TEX2: variants seen among roughly 807,000 people sequenced by gnomAD.
TEX2 encodes the protein testis expressed 2, also known as testis-expressed protein 2.
TEX2 carries 53 observed loss-of-function variants against 106.9 expected under a neutral mutation model. The ratio of observed to expected loss-of-function variants is 0.50; its 90% CI spans 0.40 to 0.62. The LOEUF is 0.62. Ranked by LOEUF, TEX2 falls within the 20% of genes least tolerant of loss-of-function variation. The probability of loss-of-function intolerance (pLI) is 0.00; values close to 1 mark genes in which losing one functional copy is unlikely to be tolerated. For synonymous variants in TEX2, 523 were observed against 534.8 expected, an observed-to-expected ratio of 0.98 and a Z score of 0.30; for missense variants, 1,207 against 1,379.0, an observed-to-expected ratio of 0.88 and a Z score of 1.98.
chr17:64,211,058 C>G (rs1311466671), intron 2 of TEX2, among the ~76,000 whole-genome samples: 1 of 152,014 alleles, frequency 6.6e-6, no homozygotes, highest in Non-Finnish European at 1.5e-5. Context: ...GCCCCCAGGC[C>G]CAAGCAATTC....
At chr17:64,247,268 CAA>C (rs35005734) in intron 1 of TEX2, among the ~76,000 whole-genome samples, 5 of 74,770 alleles carry the variant, frequency 6.7e-5, no homozygotes, top group Admixed American at 1.6e-4. Context: ...GACTCTGTCT[CAA>C]AAAAAAAAAA....
rs10526886 is a variant in TEX2 at position 64,218,405 on chromosome 17, C to CT, written c.-25-4164dup. On this transcript the variant is annotated intron_variant, in intron 1 of 11. Coordinates refer to ENST00000584379, the MANE Select transcript of TEX2 (RefSeq NM_001288732.2). Reference sequence around the variant, plus strand: ...CCTAGTCTGGCAAAGGACACTTTCACTTTTTTTTTTTTTTTTTTTTTTTTT... The same window carrying CT: ...CCTAGTCTGGCAAAGGACACTTTCACTTTTTTTTTTTTTTTTTTTTTTTTTT... Among the ~76,000 whole-genome samples, 629 of 120,504 alleles carry CT rather than the reference C, an allele frequency of 5.2e-3. 14 individuals carry two copies. The highest frequency in any genetic ancestry group is 0.025 in the South Asian group (95 of 3,816). The allele number at this position is 120,504 out of a possible 152,430, so 79.1% of individuals were successfully genotyped here. A position where few individuals can be genotyped will look rare whatever the true frequency, so the allele number is the denominator to read the frequency against.
At chr17:64,204,800 G>T (rs1327297649) in intron 2 of TEX2, among the ~76,000 whole-genome samples, 1 of 152,122 alleles carries the variant, frequency 6.6e-6, no homozygotes, top group Non-Finnish European at 1.5e-5. Flanking sequence ...ACAGAGTTCA[G>T]AAGGTATTTT....
At chr17:64,256,070 A>T (rs868964891) in intron 1 of TEX2, 12 of 152,270 alleles carry the variant, frequency 7.9e-5, no homozygotes, top group African/African-American at 2.4e-4. Context: ...CACACCACAG[A>T]AAGTCCAACA....
rs141988036 is a variant in TEX2 at position 64,148,922 on chromosome 17, C to A, written c.*47G>T. On this transcript the variant is annotated 3_prime_UTR_variant, in exon 12 of 12. Coordinates refer to ENST00000584379, the MANE Select transcript of TEX2 (RefSeq NM_001288732.2). Reference sequence around the variant, plus strand: ...GTACAGATGGCGGCCAAGAACCCCACACATCCAGCTCGATGTCACAATATG... The same window carrying A: ...GTACAGATGGCGGCCAAGAACCCCAAACATCCAGCTCGATGTCACAATATG... 1.3e-4 allele frequency: 206 copies of A among 1,610,840 alleles called. 2 individuals carry two copies. The African/African-American group carries it at 2.0e-3, about 16-fold the overall frequency.
chr17:64,227,583 C>G (rs1223730675), intron 1 of TEX2, among the ~76,000 whole-genome samples: 5 of 152,128 alleles, frequency 3.3e-5, no homozygotes, highest in Non-Finnish European at 5.9e-5. Context: ...CCGTGCCTTA[C>G]CCACAAGAAA....
At chr17:64,215,039 G>A (rs12940265) in intron 1 of TEX2, among the ~76,000 whole-genome samples, 60,948 of 152,130 alleles carry the variant, frequency 0.4, 14,955 homozygotes, top group East Asian at 0.72. Context: ...GGACTGTGGT[G>A]AGAGATGTGG....
At chr17:64,233,966 C>G (rs1555634867) in intron 1 of TEX2, among the ~76,000 whole-genome samples, 1 of 152,212 alleles carries the variant, frequency 6.6e-6, no homozygotes, top group Non-Finnish European at 1.5e-5. Context: ...AACTCAGATC[C>G]TAGGTACAGA....
intron 6 of TEX2, among the ~76,000 whole-genome samples, chr17:64,174,079 T>C (rs9904908): frequency 0.71 from 108,270 of 151,940 alleles, 38,681 homozygotes; most frequent in East Asian, 0.83. Context: ...ACTACTGGGC[T>C]CAAGATTTCC....
intron 1 of TEX2, chr17:64,255,787 C>A (rs1473941152): frequency 6.6e-6 from 1 of 152,206 alleles, no homozygotes; most frequent in Non-Finnish European, 1.5e-5. Flanking sequence ...CATCAAATCT[C>A]GCTGGAGATG....
intron 1 of TEX2, among the ~76,000 whole-genome samples, chr17:64,251,655 C>G (rs924296638): frequency 2.0e-5 from 3 of 152,176 alleles, no homozygotes; most frequent in African/African-American, 4.8e-5. Context: ...CAGGCTCCCC[C>G]ACTCATCTGG....
chr17:64,233,215 C>T (rs1555634776), intron 1 of TEX2, among the ~76,000 whole-genome samples: 1 of 152,160 alleles, frequency 6.6e-6, no homozygotes, highest in African/African-American at 2.4e-5. Context: ...CCCCGGGGCC[C>T]ACCCTGGAAC....
chr17:64,196,982 A>ATT (rs59960456), intron 2 of TEX2, among the ~76,000 whole-genome samples: 10,449 of 63,086 alleles, frequency 0.17, 1,048 homozygotes, highest in Non-Finnish European at 0.21. Context: ...TCAAATCAAG[A>ATT]TTTTTTTTTT....
chr17:64,258,819 G>A (rs973071770), intron 1 of TEX2, among the ~76,000 whole-genome samples: 1 of 151,084 alleles, frequency 6.6e-6, no homozygotes, highest in Admixed American at 6.6e-5. Context: ...GAGTGCAGTG[G>A]TGCGATCTCG....
At chr17:64,186,615 A>G (rs2032085196) in intron 5 of TEX2, among the ~76,000 whole-genome samples, 1 of 152,160 alleles carries the variant, frequency 6.6e-6, no homozygotes, top group South Asian at 2.1e-4. Flanking sequence ...TCAGGAGTTC[A>G]AGACCAGACT....
chr17:64,207,808 T>A (rs113960367), intron 2 of TEX2, among the ~76,000 whole-genome samples: 21 of 151,858 alleles, frequency 1.4e-4, no homozygotes, highest in African/African-American at 4.8e-4. Flanking sequence ...CGATCGCAGC[T>A]CACTGCAAGC....
Position 64,194,964 on chromosome 17 carries a change from G to T in TEX2, c.1776C>A (p.Ala592=), listed in dbSNP as rs1340806962. 1 of 1,614,096 alleles carries T rather than the reference G, an allele frequency of 6.2e-7. No individual in the cohort carries two copies. Among genetic ancestry groups the T allele is most frequent in the East Asian group, 2.2e-5 (1 of 44,880 alleles). Residue 592 remains alanine, a synonymous_variant, in exon 3 of 12, where the codon GCC becomes GCA. Transcript: ENST00000584379. ...CCTCTGGCTTGGGTTCATTGTAGCT[G>T]GCCCTCCTGGATATATTTTTATTGG... ...SKPNKNISRR[A]SYNEPKPEVT...
intron 2 of TEX2, among the ~76,000 whole-genome samples, chr17:64,200,855 C>G (rs367917388): frequency 2.0e-5 from 3 of 152,048 alleles, no homozygotes; most frequent in Non-Finnish European, 4.4e-5. Flanking sequence ...TCTCCCTACC[C>G]CCATCTTTTC....
intron 4 of TEX2, 40 bp from the exon 5 acceptor site, chr17:64,188,455 AAAC>A: frequency 6.3e-7 from 1 of 1,577,342 alleles, no homozygotes; most frequent in Non-Finnish European, 8.6e-7. Context: ...ACAATGAAGA[AAAC>A]AACTGCAAAG....
Sources: gnomAD v4.1 joint callset for allele counts (sites outside exome capture counted in the v4.1 genomes callset) on GRCh38, gnomAD v4.1.1 for gene constraint, MANE v1.5 for transcripts, NCBI Gene and HGNC (gene_info 2026-07-23, HGNC 2026-07-21) for gene names.